The following PAPOLG variants were observed in gnomAD, a reference collection of about 807,000 sequenced individuals.
PAPOLG encodes poly(A) polymerase gamma.
A neutral mutation model predicts 99.0 loss-of-function variants in PAPOLG; 40 were observed. The observed-to-expected ratio is 0.40, with a 90% CI of 0.31 to 0.53. The LOEUF is 0.53. PAPOLG is among the 20% of genes least tolerant of loss of function. The pLI is 0.41. For missense variants in PAPOLG, 675 were observed against 884.1 expected (o/e 0.76, Z 3.00); for synonymous variants, 310 against 299.3 (o/e 1.04, Z -0.37).
intron 13 of PAPOLG, among the ~76,000 whole-genome samples, chr2:60,786,111 T>C (rs1573247724): frequency 1.3e-5 from 2 of 152,196 alleles, no homozygotes; most frequent in African/African-American, 2.4e-5. Context: ...GATTCATAGG[T>C]AATATGCTGT....
chr2:60,800,279 G>A lies in PAPOLG; in HGVS notation c.*3119G>A, dbSNP rs553707836. ...CACCTCACTGCAACCTCTGCCTCCC[G>A]GGTTCAAGTGATTCTCTTGCCTCAG... On this transcript the variant is annotated 3_prime_UTR_variant, in exon 22 of 22. Transcript: ENST00000238714. 1.3e-5 allele frequency: 2 copies of A among 152,254 alleles called. No homozygotes were observed. Among genetic ancestry groups the A allele is most frequent in the Admixed American group, 6.5e-5 (1 of 15,288 alleles). 9.4% of individuals were successfully genotyped at this position (152,254 alleles called of 1,614,324 possible).
At chr2:60,790,916 C>G (rs1054798191) in intron 15 of PAPOLG, among the ~76,000 whole-genome samples, 2 of 152,074 alleles carry the variant, frequency 1.3e-5, no homozygotes, top group Non-Finnish European at 2.9e-5. Context: ...TAATGAAACC[C>G]TGTCTCTACA....
At chr2:60,785,555 G>A (rs1415022532) in intron 13 of PAPOLG, among the ~76,000 whole-genome samples, 1 of 151,670 alleles carries the variant, frequency 6.6e-6, no homozygotes, top group Non-Finnish European at 1.5e-5. Context: ...TAGAGACGGA[G>A]TCTCACTGTC....
intron 1 of PAPOLG, among the ~76,000 whole-genome samples, chr2:60,759,474 A>C (rs1380093240): frequency 6.6e-6 from 1 of 152,246 alleles, no homozygotes; most frequent in Non-Finnish European, 1.5e-5. Context: ...ATCTTCCAAA[A>C]GATTGCCAGT....
intron 7 of PAPOLG, 93 bp from the exon 8 acceptor site, chr2:60,774,941 T>C: frequency 6.5e-7 from 1 of 1,543,830 alleles, no homozygotes; most frequent in Non-Finnish European, 8.7e-7. Flanking sequence ...ATCTTTCATA[T>C]TTTTAGCATT....
chr2:60,765,891 A>C (rs1157768470), intron 3 of PAPOLG, among the ~76,000 whole-genome samples: 1 of 152,160 alleles, frequency 6.6e-6, no homozygotes, highest in African/African-American at 2.4e-5. Context: ...TGAAGCAGGA[A>C]GATCTTGAGC....
chr2:60,784,593 A>T (rs937466354), intron 13 of PAPOLG, among the ~76,000 whole-genome samples: 9 of 152,208 alleles, frequency 5.9e-5, no homozygotes, highest in Non-Finnish European at 1.3e-4. Context: ...CAAGAGTTTA[A>T]TCCTTATTTC....
At chr2:60,791,195 ATATT>A (rs766948430) in intron 15 of PAPOLG, among the ~76,000 whole-genome samples, 1 of 152,236 alleles carries the variant, frequency 6.6e-6, no homozygotes, top group Non-Finnish European at 1.5e-5. Context: ...TTTTTTAAAT[ATATT>A]TATTCTATCA....
chr2:60,756,298 A>C lies in PAPOLG; in HGVS notation c.-181A>C, dbSNP rs1321214905. The C allele has an allele frequency of 1.4e-6, 1 of 734,524 alleles. No individual in the cohort carries two copies. Among genetic ancestry groups the C allele is most frequent in the Non-Finnish European group, 2.4e-6 (1 of 421,536 alleles). The allele number at this position is 734,524 out of a possible 1,614,324, so 45.5% of individuals were successfully genotyped here. On this transcript the variant is annotated 5_prime_UTR_variant, in exon 1 of 22. Coordinates refer to ENST00000238714, the MANE Select transcript of PAPOLG (RefSeq NM_022894.4). ...CGTCGGCCGCGCTGTATTGTCATAAATAGAGCCGGTTTTGTGGTGTTTTCA... is the reference window on the plus strand; with the variant it reads ...CGTCGGCCGCGCTGTATTGTCATAACTAGAGCCGGTTTTGTGGTGTTTTCA...
intron 21 of PAPOLG, among the ~76,000 whole-genome samples, chr2:60,796,849 G>A (rs1393598547): frequency 1.3e-5 from 2 of 151,776 alleles, no homozygotes; most frequent in Non-Finnish European, 2.9e-5. Context: ...TTATCCCTCT[G>A]CTTTTCACCT....
intron 8 of PAPOLG, among the ~76,000 whole-genome samples, chr2:60,778,512 T>A (rs1671090861): frequency 6.6e-6 from 1 of 152,096 alleles, no homozygotes; most frequent in Non-Finnish European, 1.5e-5. Flanking sequence ...TTCGGGGTGC[T>A]GAAAACATTC....
chr2:60,762,154 A>G (rs1225188742), intron 3 of PAPOLG, among the ~76,000 whole-genome samples: 1 of 152,158 alleles, frequency 6.6e-6, no homozygotes, highest in Non-Finnish European at 1.5e-5. Context: ...AAGAGGCTTG[A>G]AGGGGATTGG....
At position 60,792,271 on chromosome 2, in the gene PAPOLG, C is replaced by G. The variant is rs1377612761; in HGVS notation, c.1661C>G (p.Ser554Cys). 6.2e-7 allele frequency: 1 copy of G among 1,604,538 alleles called. No homozygotes were observed. Among genetic ancestry groups the G allele is most frequent in the African/African-American group, 1.3e-5 (1 of 74,240 alleles). ...NSPASKSDSP[S>C]VGETERNSAE... Reference sequence around the variant, plus strand: ...CCAGCGTCCAAGTCTGATAGCCCTTCTGTAGGAGAAACAGAAAGGTCTGTC... The same window carrying G: ...CCAGCGTCCAAGTCTGATAGCCCTTGTGTAGGAGAAACAGAAAGGTCTGTC... Residue 554 changes from serine (S) to cysteine (C), a missense_variant, in exon 17 of 22, where the codon TCT becomes TGT. Physicochemically the swap from Ser to Cys is moderately radical, Grantham distance 112 (BLOSUM62 -1). Around this residue, in one of 3 missense-constraint regions of PAPOLG, gnomAD observed 413 missense variants for 460.5 expected, o/e 0.90. Transcript: ENST00000238714.
intron 8 of PAPOLG, among the ~76,000 whole-genome samples, chr2:60,778,194 C>T (rs72881987): frequency 0.01 from 1,557 of 152,140 alleles, 45 homozygotes; most frequent in African/African-American, 0.035. Flanking sequence ...TCTCCCAGAC[C>T]GGAATGCAGT....
chr2:60,772,604 C>T (rs920367674), intron 7 of PAPOLG, among the ~76,000 whole-genome samples: 1 of 151,916 alleles, frequency 6.6e-6, no homozygotes, highest in Non-Finnish European at 1.5e-5. Flanking sequence ...AAAAACTAGC[C>T]AAGTGTGGTG....
intron 8 of PAPOLG, among the ~76,000 whole-genome samples, chr2:60,777,176 C>G (rs1289685646): frequency 6.6e-6 from 1 of 152,178 alleles, no homozygotes; most frequent in Non-Finnish European, 1.5e-5. Context: ...CTATCAGCAG[C>G]CAGGCGCAGT....
Position 60,756,513 on chromosome 2 carries a change from G to A in PAPOLG, c.17+18G>A. 1 of 1,598,084 alleles carries A rather than the reference G, an allele frequency of 6.3e-7. No individual in the cohort carries two copies. The highest frequency in any genetic ancestry group is 8.5e-7 in the Non-Finnish European group (1 of 1,172,916). On this transcript the variant is annotated intron_variant, in intron 1 of 21. Transcript: ENST00000238714. Reference sequence around the variant, plus strand: ...ATGTCTGCGTAAGTGGTGGGGGGCGGCGGTTGGGGTGAGGCGGGTAGGGGT... The same window carrying A: ...ATGTCTGCGTAAGTGGTGGGGGGCGACGGTTGGGGTGAGGCGGGTAGGGGT...
rs762820625 is a variant in PAPOLG, at chr2:60,793,992, C to T, written c.1790C>T (p.Thr597Ile). Residue 597 changes from threonine to isoleucine, a missense_variant, in exon 19 of 22, where the codon ACT becomes ATT. Transcript: ENST00000238714. Reference sequence around the variant, plus strand: ...TCAGAAGTTGACTCTACAGTAAAAACTGTATCACCCCCCACTGTGTGTACC... The same window carrying T: ...TCAGAAGTTGACTCTACAGTAAAAATTGTATCACCCCCCACTGTGTGTACC... ...IGAKVDSTVKTVSPPTVCTIP... is the reference protein window; with the variant it reads ...IGAKVDSTVKIVSPPTVCTIP... 36 of 1,610,564 alleles carry T rather than the reference C, an allele frequency of 2.2e-5. No homozygotes were observed. The highest frequency in any genetic ancestry group is 3.3e-4 in the Middle Eastern group (2 of 6,076).
At chr2:60,781,103 C>G (rs775239414) in intron 10 of PAPOLG, among the ~76,000 whole-genome samples, 1 of 152,170 alleles carries the variant, frequency 6.6e-6, no homozygotes, top group Non-Finnish European at 1.5e-5. Context: ...CGCCTGTAAT[C>G]CCAGCTCTTT....
Sources: gnomAD v4.1 joint callset for allele counts (sites outside exome capture counted in the v4.1 genomes callset) on GRCh38, gnomAD v4.1.1 for gene constraint, gnomAD v4.1.1 regional missense constraint, MANE v1.5 for transcripts, NCBI Gene and HGNC (gene_info 2026-07-23, HGNC 2026-07-21) for gene names.